The following TNRC6C variants were observed in gnomAD, a reference collection of about 807,000 sequenced individuals.
TNRC6C encodes trinucleotide repeat-containing gene 6C protein.
TNRC6C carries 20 observed loss-of-function variants against 153.7 expected under a neutral mutation model. That is an observed-to-expected ratio of 0.13 (90% CI 0.09 to 0.19). TNRC6C has a LOEUF of 0.19. Ranked by LOEUF, TNRC6C falls within the 10% of genes least tolerant of loss-of-function variation. The pLI, the probability that TNRC6C is intolerant of heterozygous loss-of-function variation, is 1.00. For missense variants in TNRC6C, 1,987 were observed against 2,172.0 expected (o/e 0.91, Z 1.69); for synonymous variants, 811 against 841.4 (o/e 0.96, Z 0.63).
At chr17:78,097,258 G>A (rs936472983) in intron 16 of TNRC6C, among the ~76,000 whole-genome samples, 5 of 151,894 alleles carry the variant, frequency 3.3e-5, no homozygotes, top group African/African-American at 1.2e-4. Context: ...CAAAATATGA[G>A]TGTAAGCTGA....
chr17:78,079,909 C>G lies in TNRC6C; in HGVS notation c.3357+368C>G, dbSNP rs1461857669. 6.6e-6 allele frequency among the ~76,000 whole-genome samples: 1 copy of G among 152,248 alleles called. No homozygotes were observed. The highest frequency in any genetic ancestry group is 2.1e-4 in the South Asian group (1 of 4,818). On this transcript the variant is annotated intron_variant, in intron 10 of 19. Transcript: ENST00000301624. This position sits in a 1 kb window ranked among gnomAD's most constrained non-coding sequence, Gnocchi z 4.3. ...ATTCAGGTGAACCCAGTGAACTGTC[C>G]TAGATTGGTGGGAGAGGAAAGTGAC...
chr17:77,968,870 C>G (rs979616947), intron 1 of TNRC6C, among the ~76,000 whole-genome samples: 4 of 152,212 alleles, frequency 2.6e-5, no homozygotes, highest in African/African-American at 2.4e-5. Flanking sequence ...TTCCCACAAC[C>G]TTTCCCCCCT....
intron 1 of TNRC6C, among the ~76,000 whole-genome samples, chr17:77,983,935 A>G (rs554495139): frequency 6.0e-4 from 91 of 152,294 alleles, no homozygotes; most frequent in Admixed American, 9.2e-4. Context: ...AGAAGGTGAG[A>G]ACATGTTCAT....
upstream of TNRC6C, among the ~76,000 whole-genome samples, chr17:77,999,887 C>T (rs977481479): frequency 3.3e-5 from 5 of 152,192 alleles, no homozygotes; most frequent in Non-Finnish European, 5.9e-5. Flanking sequence ...TGGAGTCTTA[C>T]GTAACACAGC....
At chr17:78,082,937 G>T in intron 10 of TNRC6C, 110 bp from the exon 13 acceptor site, 2 of 1,290,772 alleles carry the variant, frequency 1.5e-6, no homozygotes, top group Non-Finnish European at 2.1e-6. Flanking sequence ...GTTTCAGGGG[G>T]TCTCCCTACA....
At chr17:78,077,355 C>A in intron 9 of TNRC6C, 21 bp downstream of exon 11, 1 of 1,562,568 alleles carries the variant, frequency 6.4e-7, no homozygotes, top group Non-Finnish European at 8.7e-7. Flanking sequence ...TTGGAGAGAG[C>A]AAAACATGGC....
At position 78,102,455 on chromosome 17, in the gene TNRC6C, T is replaced by G; in HGVS notation, c.4502-19T>G. On this transcript the variant is annotated intron_variant, in intron 17 of 19. Transcript: ENST00000301624. ...CTGGCACGGGGCCTTGTCAACCAGG[T>G]TCTCCCCTCTTGTTGCAGGTTCTGC... The G allele has an allele frequency of 6.2e-7, 1 of 1,600,338 alleles. No individual in the cohort carries two copies. Among genetic ancestry groups the G allele is most frequent in the Non-Finnish European group, 8.5e-7 (1 of 1,173,506 alleles).
chr17:78,006,441 A>G (rs1366989183), intron 1 of TNRC6C, among the ~76,000 whole-genome samples: 2 of 152,180 alleles, frequency 1.3e-5, no homozygotes, highest in Non-Finnish European at 2.9e-5. Context: ...TTGTCATTTC[A>G]AAATACAGAG....
chr17:77,963,431 A>G (rs988099688), intron 1 of TNRC6C, among the ~76,000 whole-genome samples: 2 of 152,248 alleles, frequency 1.3e-5, no homozygotes, highest in African/African-American at 4.8e-5. Flanking sequence ...AAGGTTTTAC[A>G]TGTTTAAAAC....
chr17:78,040,433 C>T (rs1461683510), intron 2 of TNRC6C, among the ~76,000 whole-genome samples: 1 of 152,144 alleles, frequency 6.6e-6, no homozygotes, highest in South Asian at 2.1e-4. Flanking sequence ...GATTAATATA[C>T]GGCAGTGTTT....
chr17:78,054,935 C>T (rs1176939740), intron 3 of TNRC6C, among the ~76,000 whole-genome samples: 10 of 151,904 alleles, frequency 6.6e-5, no homozygotes, highest in African/African-American at 2.4e-4. Context: ...TACACCACTG[C>T]GGACTACTGT....
intron 16 of TNRC6C, among the ~76,000 whole-genome samples, chr17:78,095,253 G>T (rs2073464463): frequency 6.6e-6 from 1 of 152,372 alleles, no homozygotes; most frequent in East Asian, 1.9e-4. Flanking sequence ...GTGCCATGGT[G>T]TGAAGAAGAT....
intron 13 of TNRC6C, among the ~76,000 whole-genome samples, chr17:78,087,682 A>T (rs1012957490): frequency 2.6e-5 from 4 of 152,198 alleles, no homozygotes; most frequent in Non-Finnish European, 5.9e-5. Flanking sequence ...ATTTACATTA[A>T]AAGCACTTCT....
upstream of TNRC6C, among the ~76,000 whole-genome samples, chr17:77,958,687 G>A (rs1489343944): frequency 6.6e-6 from 1 of 151,906 alleles, no homozygotes; most frequent in East Asian, 1.9e-4. Flanking sequence ...GAAGCGGGGG[G>A]AGGGGGGTTC....
intron 1 of TNRC6C, among the ~76,000 whole-genome samples, chr17:78,013,740 C>T (rs2143419578): frequency 6.6e-6 from 1 of 152,286 alleles, no homozygotes; most frequent in East Asian, 1.9e-4. Context: ...CAGGACCCAA[C>T]TAGGCCAGGG....
chr17:77,987,171 G>A (rs1047674338), intron 1 of TNRC6C, among the ~76,000 whole-genome samples: 5 of 152,124 alleles, frequency 3.3e-5, no homozygotes, highest in African/African-American at 1.2e-4. Context: ...AGCCCACTAA[G>A]AACTGAAGAG....
chr17:78,009,243 T>C (rs1268722790), intron 1 of TNRC6C, among the ~76,000 whole-genome samples: 1 of 152,186 alleles, frequency 6.6e-6, no homozygotes, highest in Non-Finnish European at 1.5e-5. Context: ...GTAATCAGTT[T>C]TCTTTATTTT....
At chr17:78,008,121 T>C (rs2071555284) in intron 1 of TNRC6C, among the ~76,000 whole-genome samples, 1 of 152,234 alleles carries the variant, frequency 6.6e-6, no homozygotes, top group South Asian at 2.1e-4. Context: ...TGTTTGCATC[T>C]GGCTATAACC....
intron 1 of TNRC6C, among the ~76,000 whole-genome samples, chr17:77,997,741 C>T (rs932804547): frequency 2.6e-5 from 4 of 152,066 alleles, no homozygotes; most frequent in Non-Finnish European, 5.9e-5. Flanking sequence ...ACTGCAAGCT[C>T]CGCCTCCTGG....
Sources: gnomAD v4.1 joint callset for allele counts (sites outside exome capture counted in the v4.1 genomes callset) on GRCh38, gnomAD v4.1.1 for gene constraint, Gnocchi (gnomAD v3.1) non-coding constraint, MANE v1.5 for transcripts, NCBI Gene and HGNC (gene_info 2026-07-23, HGNC 2026-07-21) for gene names.